The following GLIS3 variants were observed in gnomAD, a reference collection of about 807,000 sequenced individuals.
The protein encoded by GLIS3 is zinc finger protein GLIS3.
In GLIS3, 53 loss-of-function variants were observed where a neutral mutation model predicts 78.6. The observed-to-expected ratio is 0.67, with a 90% CI of 0.54 to 0.85. The LOEUF (loss-of-function observed/expected upper bound fraction) is 0.85, where lower values mean the gene tolerates loss of function less well. Ranked by LOEUF, GLIS3 falls within the 40% of genes least tolerant of loss-of-function variation. The pLI, the probability that GLIS3 is intolerant of heterozygous loss-of-function variation, is 0.00. For missense variants in GLIS3, 1,703 were observed against 1,231.1 expected, an observed-to-expected ratio of 1.38 and a Z score of -5.74; for synonymous variants, 684 against 509.9, an observed-to-expected ratio of 1.34 and a Z score of -4.60.
At chr9:3,987,897 GAGAA>G (rs1819903578) in intron 4 of GLIS3, among the ~76,000 whole-genome samples, 1 of 148,874 alleles carries the variant, frequency 6.7e-6, no homozygotes, top group African/African-American at 2.5e-5. Flanking sequence ...AAAATCTAAA[GAGAA>G]AGAAGATCTT....
In GLIS3 at chr9:4,286,035, T is replaced by C. The variant is rs758727866; in HGVS notation, c.388+3A>G. 1.9e-6 allele frequency: 3 copies of C among 1,614,146 alleles called. No individual in the cohort carries two copies. The highest frequency in any genetic ancestry group is 2.5e-6 in the Non-Finnish European group (3 of 1,180,010). On this transcript the variant is annotated splice_donor_region_variant and intron_variant, in intron 2 of 10. Transcript: ENST00000381971. ...TTAAAAGGTTCCAGAAAGACAATCC[T>C]ACCTTTCCCAGGATTTGGAGGAAAA...
chr9:3,898,861 T>G, intron 6 of GLIS3, 26 bp from the exon 7 acceptor site: 1 of 1,613,354 alleles, frequency 6.2e-7, no homozygotes, highest in South Asian at 1.1e-5. Context: ...GGAAGAGACA[T>G]CGATAAGGAG....
the GLIS3 span, among the ~76,000 whole-genome samples, chr9:4,405,903 G>C: frequency 6.6e-6 from 1 of 152,120 alleles, no homozygotes; most frequent in Admixed American, 6.5e-5. Flanking sequence ...AGGGATGCAA[G>C]GATGGTTCAA....
intron 2 of GLIS3, among the ~76,000 whole-genome samples, chr9:4,165,554 C>T (rs1586855082): frequency 6.6e-6 from 1 of 152,288 alleles, no homozygotes; most frequent in Middle Eastern, 3.4e-3. Flanking sequence ...CTATCCAGAC[C>T]CATACAGTCT....
At chr9:4,349,804 T>C (rs775322813), upstream of GLIS3, among the ~76,000 whole-genome samples, 2 of 152,228 alleles carry the variant, frequency 1.3e-5, no homozygotes, top group South Asian at 2.1e-4. Context: ...CCTAAATTCA[T>C]GGTGGCAAGA....
the GLIS3 span, among the ~76,000 whole-genome samples, chr9:4,457,713 G>A: frequency 6.6e-6 from 1 of 151,958 alleles, no homozygotes; most frequent in Admixed American, 6.6e-5. Flanking sequence ...AGCTGGGCAT[G>A]GTGGCACATA....
chr9:4,303,760 A>G (rs1028855908), upstream of GLIS3, among the ~76,000 whole-genome samples: 1 of 152,240 alleles, frequency 6.6e-6, no homozygotes, highest in African/African-American at 2.4e-5. Context: ...GCTGAGATGT[A>G]TCTAAAATTC....
chr9:4,279,011 T>C lies in GLIS3; in HGVS notation c.388+7027A>G, dbSNP rs142379707. Among the ~76,000 whole-genome samples the C allele has an allele frequency of 4.1e-3, 629 of 152,166 alleles. 1 individual carries two copies. The highest frequency in any genetic ancestry group is 6.8e-3 in the Non-Finnish European group (464 of 68,010). ...ACAACTCACCTAAACTCTTTAAAAA[T>C]ATCAGCGTGGCTGGGCACGGTGGCT... On this transcript the variant is annotated intron_variant, in intron 2 of 10. Transcript: ENST00000381971.
chr9:4,213,727 T>A (rs1820570843), intron 2 of GLIS3, among the ~76,000 whole-genome samples: 1 of 152,218 alleles, frequency 6.6e-6, no homozygotes, highest in African/African-American at 2.4e-5. Flanking sequence ...AGAAACTTGA[T>A]AAATATTTGG....
chr9:4,446,501 C>CA, the GLIS3 span, among the ~76,000 whole-genome samples: 1 of 147,670 alleles, frequency 6.8e-6, no homozygotes, highest in Non-Finnish European at 1.5e-5. Context: ...GGAAAATATC[C>CA]AAATTTTTTT....
At chr9:4,387,679 T>G in the GLIS3 span, among the ~76,000 whole-genome samples, 1 of 152,228 alleles carries the variant, frequency 6.6e-6, no homozygotes, top group Non-Finnish European at 1.5e-5. Context: ...GGTAGTTCAC[T>G]CATTTGACTA....
At chr9:4,166,709 C>T (rs910448486) in intron 2 of GLIS3, among the ~76,000 whole-genome samples, 1 of 152,194 alleles carries the variant, frequency 6.6e-6, no homozygotes, top group Non-Finnish European at 1.5e-5. Flanking sequence ...GATTCCGTGG[C>T]TACACATAAA....
Position 4,245,223 on chromosome 9 carries a change from G to T in GLIS3, c.388+40815C>A, listed in dbSNP as rs929649749. On this transcript the variant is annotated intron_variant, in intron 2 of 10. Coordinates refer to ENST00000381971, the MANE Select transcript of GLIS3 (RefSeq NM_001042413.2). The stretch of plus-strand genomic sequence containing the variant: ...TAGAGGGATTCTATTGTTTTTGTAG[G>T]TATGTGGCCTCAAACCCACAATGAT... Among the ~76,000 whole-genome samples the T allele has an allele frequency of 5.9e-5, 9 of 152,160 alleles. No homozygotes were observed. In the South Asian group the frequency reaches 1.2e-3, roughly 21 times the overall value.
chr9:4,224,817 T>A (rs186117049), intron 2 of GLIS3, among the ~76,000 whole-genome samples: 1 of 152,082 alleles, frequency 6.6e-6, no homozygotes, highest in East Asian at 1.9e-4. Context: ...GACATCAATG[T>A]TGAACAGCAA....
chr9:3,927,608 T>C (rs146917665), intron 6 of GLIS3, among the ~76,000 whole-genome samples: 1 of 152,358 alleles, frequency 6.6e-6, no homozygotes, highest in East Asian at 1.9e-4. Context: ...TATTTTTCTG[T>C]ATTTACGGAA....
At position 4,252,972 on chromosome 9, in the gene GLIS3, C is replaced by T. The variant is rs149010767; in HGVS notation, c.388+33066G>A. Reference sequence around the variant, plus strand: ...AGAACAGCAAAAATTGCTGCCTGATCCTTCCTCTGGAAGCTTCATTCCAGG... The same window carrying T: ...AGAACAGCAAAAATTGCTGCCTGATTCTTCCTCTGGAAGCTTCATTCCAGG... On this transcript the variant is annotated intron_variant, in intron 2 of 10. Transcript: ENST00000381971. Among the ~76,000 whole-genome samples, 689 of 152,318 alleles carry T rather than the reference C, an allele frequency of 4.5e-3. 16 individuals carry two copies. The highest frequency in any genetic ancestry group is 6.8e-3 in the East Asian group (35 of 5,164).
intron 4 of GLIS3, among the ~76,000 whole-genome samples, chr9:4,006,221 C>G (rs1263165950): frequency 2.7e-5 from 4 of 148,036 alleles, no homozygotes; most frequent in Non-Finnish European, 4.4e-5. Context: ...CGCTCCTTGC[C>G]TTGCCTGACA....
At chr9:3,989,885 G>A (rs1820080882) in intron 4 of GLIS3, among the ~76,000 whole-genome samples, 1 of 152,094 alleles carries the variant, frequency 6.6e-6, no homozygotes, top group South Asian at 2.1e-4. Context: ...CACACAAAGA[G>A]TACAAAACTG....
At chr9:4,415,650 C>G in the GLIS3 span, among the ~76,000 whole-genome samples, 8 of 152,152 alleles carry the variant, frequency 5.3e-5, no homozygotes, top group Non-Finnish European at 1.0e-4. Context: ...AGAAACAGTG[C>G]AAATGTGACC....
Sources: allele counts gnomAD v4.1 joint callset (sites outside exome capture counted in the v4.1 genomes callset), GRCh38; gene constraint gnomAD v4.1.1; transcripts MANE v1.5; gene names NCBI Gene and HGNC (gene_info 2026-07-23, HGNC 2026-07-21).